The following VIPR2 variants were observed in gnomAD, a reference collection of about 807,000 sequenced individuals.
VIPR2 encodes the protein vasoactive intestinal polypeptide receptor 2.
Under a neutral mutation model 58.0 loss-of-function variants are expected in VIPR2, and 48 were observed. The observed-to-expected ratio is 0.83, with a 90% confidence interval of 0.66 to 1.05. VIPR2 has a LOEUF of 1.05. VIPR2 is among the 50% of genes least tolerant of loss of function. VIPR2 has a pLI of 0.00. For synonymous variants in VIPR2, 243 were observed against 235.2 expected (o/e 1.03, Z -0.30); for missense variants, 534 against 558.0 (o/e 0.96, Z 0.43).
intron 5 of VIPR2, among the ~76,000 whole-genome samples, chr7:159,050,610 G>A (rs1220511141): frequency 1.3e-5 from 2 of 152,020 alleles, no homozygotes; most frequent in Non-Finnish European, 2.9e-5. Flanking sequence ...TCAGTAGTAT[G>A]TCTAGATTAA....
At chr7:159,055,103 A>G (rs111709684) in intron 5 of VIPR2, among the ~76,000 whole-genome samples, 617 of 152,344 alleles carry the variant, frequency 4.1e-3, no homozygotes, top group Non-Finnish European at 5.9e-3. Flanking sequence ...TAAATACATC[A>G]TATTTTTTTG....
At chr7:159,062,751 T>C (rs983703682) in intron 4 of VIPR2, among the ~76,000 whole-genome samples, 2 of 152,176 alleles carry the variant, frequency 1.3e-5, no homozygotes, top group African/African-American at 2.4e-5. Context: ...CAGTGAATTG[T>C]CTCTACAGGC....
rs1317638945 is a variant in VIPR2 at position 159,128,136 on chromosome 7, CT to C, written c.151+14309del. ...CTTCAGGCTCCTGCTGCCTCTGCCC[CT>C]GAGGGATGTGACGGGGGTGGGGGGA... is the stretch of plus-strand genomic sequence containing the variant. On this transcript the variant is annotated intron_variant, in intron 2 of 12. Coordinates refer to ENST00000262178, the MANE Select transcript of VIPR2 (RefSeq NM_003382.5). The surrounding 1 kb of genome is among the most constrained non-coding windows in gnomAD (Gnocchi z 4.1). Among the ~76,000 whole-genome samples, 2 of 152,166 alleles carry C rather than the reference CT, an allele frequency of 1.3e-5. No homozygotes were observed. The highest frequency in any genetic ancestry group is 2.9e-5 in the Non-Finnish European group (2 of 68,012).
At chr7:159,044,329 C>A (rs538880239) in intron 5 of VIPR2, among the ~76,000 whole-genome samples, 117 of 152,156 alleles carry the variant, frequency 7.7e-4, no homozygotes, top group Non-Finnish European at 1.5e-3. Flanking sequence ...CTACAACCGG[C>A]AGCAAGAAAT....
chr7:159,095,111 A>G lies in VIPR2; in HGVS notation c.357+8646T>C, dbSNP rs1857752588. On this transcript the variant is annotated intron_variant, in intron 4 of 12. Coordinates refer to ENST00000262178, the MANE Select transcript of VIPR2 (RefSeq NM_003382.5). The surrounding 1 kb of genome is among the most constrained non-coding windows in gnomAD (Gnocchi z 5.2). ...GGAGAGGGGCTAGGGAGAGTTCCAG[A>G]TTAAAGCCGGGGAGCCACCACAACC... Among the ~76,000 whole-genome samples the G allele has an allele frequency of 6.6e-6, 1 of 152,200 alleles. No individual in the cohort carries two copies. The highest frequency in any genetic ancestry group is 2.4e-5 in the African/African-American group (1 of 41,444).
At chr7:159,136,984 G>T (rs1797255817) in intron 2 of VIPR2, among the ~76,000 whole-genome samples, 1 of 152,120 alleles carries the variant, frequency 6.6e-6, no homozygotes, top group African/African-American at 2.4e-5. Context: ...AGGGAGGGGA[G>T]TGGAGAAGGC....
At chr7:159,060,655 TG>T (rs1362353549) in intron 4 of VIPR2, among the ~76,000 whole-genome samples, 3 of 151,370 alleles carry the variant, frequency 2.0e-5, no homozygotes, top group African/African-American at 7.3e-5. Flanking sequence ...ACTCACCTCA[TG>T]GAACCCATCT....
At chr7:159,143,132 G>A (rs942245683) in intron 1 of VIPR2, among the ~76,000 whole-genome samples, 3 of 152,246 alleles carry the variant, frequency 2.0e-5, no homozygotes, top group African/African-American at 7.2e-5. Flanking sequence ...TGGCCCCACA[G>A]AGAAGAGGGG....
chr7:159,117,490 G>C lies in VIPR2; in HGVS notation c.152-7571C>G, dbSNP rs577278069. Reference sequence around the variant, plus strand: ...CAATGCAGGACGTCATCTCAGAGGTGGGGCTGCACCTGCTGACCTGAGTCA... The same window carrying C: ...CAATGCAGGACGTCATCTCAGAGGTCGGGCTGCACCTGCTGACCTGAGTCA... On this transcript the variant is annotated intron_variant, in intron 2 of 12. Transcript: ENST00000262178. The C allele has an allele frequency of 6.5e-5, 46 of 703,144 alleles. No homozygotes were observed. In the African/African-American group the frequency reaches 7.3e-4, roughly 11 times the overall value. 43.6% of individuals were successfully genotyped at this position (703,144 alleles called of 1,614,324 possible).
chr7:159,136,971 T>C (rs1236734044), intron 2 of VIPR2, among the ~76,000 whole-genome samples: 2 of 151,596 alleles, frequency 1.3e-5, no homozygotes, highest in Non-Finnish European at 2.9e-5. Flanking sequence ...GAGACAGAGA[T>C]CAAGGGAGGG....
Position 159,142,431 on chromosome 7 carries a change from A to G in VIPR2, c.151+15T>C. On this transcript the variant is annotated intron_variant, in intron 2 of 12. Coordinates refer to ENST00000262178, the MANE Select transcript of VIPR2 (RefSeq NM_003382.5). Reference sequence around the variant, plus strand: ...AATGTCACGGGAGTTCTTACTCACCAAGCCTCTGCCTTACCTTTGTGTTTT... The same window carrying G: ...AATGTCACGGGAGTTCTTACTCACCGAGCCTCTGCCTTACCTTTGTGTTTT... 2 of 1,608,386 alleles carry G rather than the reference A, an allele frequency of 1.2e-6. No homozygotes were observed. The highest frequency in any genetic ancestry group is 2.2e-5 in the South Asian group (2 of 90,814).
chr7:159,088,487 C>T (rs1283810748), intron 4 of VIPR2, among the ~76,000 whole-genome samples: 2 of 152,088 alleles, frequency 1.3e-5, no homozygotes, highest in East Asian at 3.8e-4. Context: ...CGCAGCACAC[C>T]CGTATACCAC....
intron 4 of VIPR2, among the ~76,000 whole-genome samples, chr7:159,081,624 T>C (rs1405018442): frequency 2.0e-5 from 3 of 152,180 alleles, no homozygotes; most frequent in Admixed American, 6.5e-5. Flanking sequence ...AAATGGGATC[T>C]AATTAAACTA....
intron 2 of VIPR2, among the ~76,000 whole-genome samples, chr7:159,121,561 A>G (rs1049531323): frequency 3.3e-5 from 5 of 152,350 alleles, no homozygotes; most frequent in Admixed American, 3.3e-4. Context: ...TTACAAAAAT[A>G]TGATATTATA....
rs189202759 is a variant in VIPR2 at position 159,051,638 on chromosome 7, A to G, written c.455+6843T>C. Among the ~76,000 whole-genome samples, 311 of 152,364 alleles carry G rather than the reference A, an allele frequency of 2.0e-3. 2 individuals carry two copies. Among genetic ancestry groups the G allele is most frequent in the African/African-American group, 7.2e-3 (301 of 41,598 alleles). ...AATTCCAATTAAATGGAGCTTATAA[A>G]ATATCTACATTTAATATAAAACACA... is the stretch of plus-strand genomic sequence containing the variant. On this transcript the variant is annotated intron_variant, in intron 5 of 12. Coordinates refer to ENST00000262178, the MANE Select transcript of VIPR2 (RefSeq NM_003382.5).
At chr7:159,112,131 T>C (rs565705553) in intron 2 of VIPR2, among the ~76,000 whole-genome samples, 1 of 152,346 alleles carries the variant, frequency 6.6e-6, no homozygotes, top group African/African-American at 2.4e-5. Flanking sequence ...ACAGAGATAC[T>C]AAATTCATAC....
In VIPR2 at chr7:159,031,799, G is replaced by A; in HGVS notation, c.1143+29C>T. ...TCTCAGGAAGCAAGTGAGTACCTGT[G>A]CTTGGTTCCAAGGCGGCCATGAACT... On this transcript the variant is annotated intron_variant, in intron 12 of 12. Coordinates refer to ENST00000262178, the MANE Select transcript of VIPR2 (RefSeq NM_003382.5). This position sits in a 1 kb window ranked among gnomAD's most constrained non-coding sequence, Gnocchi z 4.0. 1 of 1,613,842 alleles carries A rather than the reference G, an allele frequency of 6.2e-7. No individual in the cohort carries two copies. Among genetic ancestry groups the A allele is most frequent in the Non-Finnish European group, 8.5e-7 (1 of 1,180,014 alleles).
At chr7:159,066,755 G>A (rs58708864) in intron 4 of VIPR2, among the ~76,000 whole-genome samples, 4,056 of 152,276 alleles carry the variant, frequency 0.027, 81 homozygotes, top group African/African-American at 0.047. Context: ...CCTCAGTGGT[G>A]GGCTAACACA....
At position 159,030,331 on chromosome 7, in the gene VIPR2, A is replaced by C. The variant is rs959842358; in HGVS notation, c.*285T>G. 1.2e-4 allele frequency: 35 copies of C among 295,588 alleles called. No individual in the cohort carries two copies. The highest frequency in any genetic ancestry group is 1.8e-4 in the Non-Finnish European group (30 of 164,994). The allele number at this position is 295,588 out of a possible 1,614,324, so 18.3% of individuals were successfully genotyped here. ...GCAGTCCAGCCTGGGCGACAGAGCG[A>C]GACTCCGTCTCAAAAAAAAAAAAAA... is the stretch of plus-strand genomic sequence containing the variant. On this transcript the variant is annotated 3_prime_UTR_variant, in exon 13 of 13. Coordinates refer to ENST00000262178, the MANE Select transcript of VIPR2 (RefSeq NM_003382.5).
Sources: gnomAD v4.1 joint callset for allele counts (sites outside exome capture counted in the v4.1 genomes callset) on GRCh38, gnomAD v4.1.1 for gene constraint, Gnocchi (gnomAD v3.1) non-coding constraint, MANE v1.5 for transcripts, NCBI Gene and HGNC (gene_info 2026-07-23, HGNC 2026-07-21) for gene names.